The following MSRA variants were observed in gnomAD, a reference collection of about 807,000 sequenced individuals.
MSRA encodes methionine sulfoxide reductase A, also known as mitochondrial peptide methionine sulfoxide reductase.
Under a neutral mutation model 31.3 loss-of-function variants are expected in MSRA, and 54 were observed. That is an observed-to-expected ratio of 1.73 (90% CI 1.39 to 2.17). MSRA has a LOEUF of 2.17. Among genes scored for constraint, MSRA ranks in the 30% most tolerant of loss-of-function variants. The pLI, the probability that MSRA is intolerant of heterozygous loss-of-function variation, is 0.00. For synonymous variants in MSRA, 169 were observed against 116.5 expected, an observed-to-expected ratio of 1.45 and a Z score of -2.90; for missense variants, 507 against 300.9, an observed-to-expected ratio of 1.69 and a Z score of -5.07.
intron 1 of MSRA, among the ~76,000 whole-genome samples, chr8:10,136,524 A>G (rs1329458846): frequency 6.6e-6 from 1 of 152,220 alleles, no homozygotes; most frequent in Non-Finnish European, 1.5e-5. Flanking sequence ...ATATGTCTTG[A>G]CAGGAGCTAT....
chr8:10,232,699 T>C (rs1480832457), intron 2 of MSRA, among the ~76,000 whole-genome samples: 1 of 152,180 alleles, frequency 6.6e-6, no homozygotes, highest in Non-Finnish European at 1.5e-5. Context: ...AATCTCATAA[T>C]AAAAAATCTC....
intron 1 of MSRA, among the ~76,000 whole-genome samples, chr8:10,119,263 T>C (rs1800927584): frequency 6.6e-6 from 1 of 152,270 alleles, no homozygotes; most frequent in South Asian, 2.1e-4. Flanking sequence ...AAAATGCTTA[T>C]CTTCATAATG....
At chr8:10,241,171 T>C (rs1229319416) in intron 2 of MSRA, among the ~76,000 whole-genome samples, 1 of 152,182 alleles carries the variant, frequency 6.6e-6, no homozygotes. Flanking sequence ...TGCAGTGTGC[T>C]TCATTATCAC....
Position 10,191,919 on chromosome 8 carries a change from T to G in MSRA, c.143-15914T>G, listed in dbSNP as rs142818765. ...CTCATTTACTATCCCATAGTTTTCT[T>G]AGGTCACGATTGTGGGCATGGCTTA... On this transcript the variant is annotated intron_variant, in intron 1 of 5. Coordinates refer to ENST00000317173, the MANE Select transcript of MSRA (RefSeq NM_012331.5). Among the ~76,000 whole-genome samples the G allele has an allele frequency of 2.8e-3, 427 of 152,330 alleles. 4 individuals are homozygous for G. The highest frequency in any genetic ancestry group is 0.018 in the Admixed American group (271 of 15,312).
chr8:10,246,582 A>C (rs2952223), intron 3 of MSRA, among the ~76,000 whole-genome samples: 1 of 152,018 alleles, frequency 6.6e-6, no homozygotes, highest in African/African-American at 2.4e-5. Flanking sequence ...TCAGCCCTCC[A>C]AGGGCACCAT....
At chr8:10,302,022 G>A (rs540280485) in intron 4 of MSRA, among the ~76,000 whole-genome samples, 1 of 152,178 alleles carries the variant, frequency 6.6e-6, no homozygotes, top group Non-Finnish European at 1.5e-5. Context: ...ATTTCTCTGA[G>A]TTTAGCCTTT....
chr8:10,428,879 CCAA>C lies in MSRA; in HGVS notation c.*568_*570del. On this transcript the variant is annotated 3_prime_UTR_variant, in exon 6 of 6. Transcript: ENST00000317173. ...GTTTGTTTTAATAAAAACCTACAGT[CCAA>C]TAATGCCAACTGCCTGACATCTCCT... 1 of 152,818 alleles carries C rather than the reference CCAA, an allele frequency of 6.5e-6. No homozygotes were observed. Among genetic ancestry groups the C allele is most frequent in the Non-Finnish European group, 1.5e-5 (1 of 68,470 alleles). 9.5% of individuals were successfully genotyped at this position (152,818 alleles called of 1,614,324 possible). A position where few individuals can be genotyped will look rare whatever the true frequency, so the allele number is the denominator to read the frequency against.
At chr8:10,115,277 G>C (rs971408899) in intron 1 of MSRA, among the ~76,000 whole-genome samples, 1 of 152,200 alleles carries the variant, frequency 6.6e-6, no homozygotes. Context: ...GAGTAACTGC[G>C]GTCATGGTGT....
chr8:10,190,374 C>G lies in MSRA; in HGVS notation c.143-17459C>G, dbSNP rs571531005. Among the ~76,000 whole-genome samples the G allele has an allele frequency of 4.6e-5, 7 of 152,324 alleles. No individual in the cohort carries two copies. In the South Asian group the frequency reaches 1.5e-3, roughly 32 times the overall value. ...CTGTCCGTGGCAGTGCCCAGCATCC[C>G]CGCAGATGATTCCAAGGCCTCCTGC... On this transcript the variant is annotated intron_variant, in intron 1 of 5. Coordinates refer to ENST00000317173, the MANE Select transcript of MSRA (RefSeq NM_012331.5).
chr8:10,190,717 G>T (rs761842172), intron 1 of MSRA, among the ~76,000 whole-genome samples: 2 of 152,170 alleles, frequency 1.3e-5, no homozygotes, highest in East Asian at 1.9e-4. Flanking sequence ...CTCCTGAATG[G>T]TTATCCAAAA....
chr8:10,396,655 C>T (rs143968492), intron 5 of MSRA, among the ~76,000 whole-genome samples: 40 of 152,326 alleles, frequency 2.6e-4, no homozygotes, highest in African/African-American at 8.9e-4. Context: ...ATACGTGTGG[C>T]TGTTGAATAA....
At chr8:10,258,767 C>T (rs947147590) in intron 3 of MSRA, among the ~76,000 whole-genome samples, 1 of 152,210 alleles carries the variant, frequency 6.6e-6, no homozygotes, top group African/African-American at 2.4e-5. Context: ...GGCTTTCCCT[C>T]AGATTGTTCA....
chr8:10,141,282 C>T (rs1434726355), intron 1 of MSRA, among the ~76,000 whole-genome samples: 1 of 152,234 alleles, frequency 6.6e-6, no homozygotes, highest in Non-Finnish European at 1.5e-5. Flanking sequence ...GTCGGGAGGC[C>T]TGTGCAACTG....
At chr8:10,247,353 T>G (rs1430059073) in intron 3 of MSRA, among the ~76,000 whole-genome samples, 1 of 152,116 alleles carries the variant, frequency 6.6e-6, no homozygotes, top group Non-Finnish European at 1.5e-5. Context: ...TTGACCATGG[T>G]GTAAGTCTCC....
chr8:10,217,000 A>C (rs1810051414), intron 2 of MSRA, among the ~76,000 whole-genome samples: 1 of 152,238 alleles, frequency 6.6e-6, no homozygotes, highest in East Asian at 1.9e-4. Context: ...CAAAACGGCT[A>C]TACTTTTACA....
chr8:10,300,148 G>GTGTGCA (rs1283206786), intron 3 of MSRA, among the ~76,000 whole-genome samples: 1 of 152,024 alleles, frequency 6.6e-6, no homozygotes. Flanking sequence ...GTGTGTGTGT[G>GTGTGCA]TGCACGCGTG....
At chr8:10,095,420 C>T (rs1001903036) in intron 1 of MSRA, 8 of 964,702 alleles carry the variant, frequency 8.3e-6, no homozygotes, top group Non-Finnish European at 9.9e-6. Context: ...GGGTACCGTA[C>T]CACGGTTTCC....
chr8:10,360,227 T>C (rs1804766116), intron 5 of MSRA, among the ~76,000 whole-genome samples: 1 of 152,216 alleles, frequency 6.6e-6, no homozygotes, highest in Non-Finnish European at 1.5e-5. Context: ...CAGGGAATGC[T>C]TGTTGGATAT....
chr8:10,150,833 C>A (rs1803599359), intron 1 of MSRA, among the ~76,000 whole-genome samples: 1 of 152,162 alleles, frequency 6.6e-6, no homozygotes, highest in African/African-American at 2.4e-5. Context: ...CCAGTTGCAT[C>A]CCTTTCCAGC....
Sources: allele counts gnomAD v4.1 joint callset (sites outside exome capture counted in the v4.1 genomes callset), GRCh38; gene constraint gnomAD v4.1.1; transcripts MANE v1.5; gene names NCBI Gene and HGNC (gene_info 2026-07-23, HGNC 2026-07-21).